Variants in AXDND1 observed in about 807,000 individuals in gnomAD.
AXDND1 encodes the protein axonemal dynein light chain domain containing 1, also known as axonemal dynein light chain domain-containing protein 1.
A neutral mutation model predicts 137.5 loss-of-function variants in AXDND1; 110 were observed. The ratio of observed to expected loss-of-function variants is 0.80; its 90% confidence interval spans 0.69 to 0.94. AXDND1 has a LOEUF of 0.94. Among genes scored for constraint, AXDND1 ranks in the 40% least tolerant of loss-of-function variants. The pLI, the probability that AXDND1 is intolerant of heterozygous loss-of-function variation, is 0.00. For missense variants in AXDND1, 1,191 were observed against 1,169.8 expected, an observed-to-expected ratio of 1.02 and a Z score of -0.26; for synonymous variants, 414 against 399.7, an observed-to-expected ratio of 1.04 and a Z score of -0.43.
chr1:179,375,242 G>T (rs986223645), intron 4 of AXDND1, among the ~76,000 whole-genome samples: 1 of 151,666 alleles, frequency 6.6e-6, no homozygotes, highest in African/African-American at 2.4e-5. Context: ...GGGATGACAG[G>T]TGCCTGCCAC....
intron 20 of AXDND1, among the ~76,000 whole-genome samples, chr1:179,500,898 C>T (rs1667928448): frequency 1.3e-5 from 2 of 151,768 alleles, no homozygotes; most frequent in Non-Finnish European, 3.0e-5. Flanking sequence ...TCTTGAACTC[C>T]TGGTCTCAAG....
At chr1:179,496,406 A>G (rs72704436) in intron 20 of AXDND1, among the ~76,000 whole-genome samples, 14,135 of 152,090 alleles carry the variant, frequency 0.093, 918 homozygotes, top group African/African-American at 0.18. Context: ...TACATTTATC[A>G]CATATAGAGC....
chr1:179,449,938 A>T (rs1469327846), intron 16 of AXDND1: 1 of 145,094 alleles, frequency 6.9e-6, no homozygotes, highest in Non-Finnish European at 1.5e-5. Flanking sequence ...TCTGTTTATG[A>T]GATCATGTTA....
intron 16 of AXDND1, chr1:179,456,320 G>A (rs1661401234): frequency 1.3e-6 from 1 of 753,734 alleles, no homozygotes; most frequent in Non-Finnish European, 2.4e-6. Flanking sequence ...CACCACCACA[G>A]GGGACAGAAC....
intron 18 of AXDND1, among the ~76,000 whole-genome samples, chr1:179,485,705 T>C (rs1665956008): frequency 6.6e-6 from 1 of 151,080 alleles, no homozygotes; most frequent in Non-Finnish European, 1.5e-5. Context: ...ATGACAGAAA[T>C]AGAATTCAGA....
chr1:179,492,868 A>G lies in AXDND1; in HGVS notation c.2305A>G (p.Met769Val). The G allele has an allele frequency of 6.2e-7, 1 of 1,604,272 alleles. No homozygotes were observed. Among genetic ancestry groups the G allele is most frequent in the Non-Finnish European group, 8.5e-7 (1 of 1,176,916 alleles). The change falls in exon 20 of 26, where the codon ATG becomes GTG. Residue 769 changes from methionine to valine, a missense_variant. Met to Val is a conservative substitution (Grantham distance 21). Coordinates refer to ENST00000367618, the MANE Select transcript of AXDND1 (RefSeq NM_144696.6). ...CCCTTTTTGCAGTTGTTGCAAAGGG[A>G]TGGTAACAGCAATGGCTCTGAGTAA... ...SSYLSSCCKG[M>V]VTAMALSKST...
rs139289857 is a variant in AXDND1, at chr1:179,483,499, A to T, written c.2091+278A>T. On this transcript the variant is annotated intron_variant, in intron 18 of 25. Coordinates refer to ENST00000367618, the MANE Select transcript of AXDND1 (RefSeq NM_144696.6). ...CCTAGGCTTGGGAGAAATTCCTCTG[A>T]CAACCAAAATGAATAAGAAAAAGGG... Among the ~76,000 whole-genome samples the T allele has an allele frequency of 5.3e-4, 81 of 152,336 alleles. No individual in the cohort carries two copies. In the East Asian group the frequency reaches 0.013, roughly 25 times the overall value.
chr1:179,410,936 T>C (rs1463315096), intron 11 of AXDND1, among the ~76,000 whole-genome samples: 2 of 152,328 alleles, frequency 1.3e-5, no homozygotes, highest in African/African-American at 2.4e-5. Context: ...TTAAGACTTT[T>C]ATAAGATTTA....
At chr1:179,478,516 G>A (rs1576224) in intron 17 of AXDND1, among the ~76,000 whole-genome samples, 30,725 of 152,184 alleles carry the variant, frequency 0.2, 3,242 homozygotes, top group Non-Finnish European at 0.23. Context: ...TTTTAGTCAT[G>A]GCTGGAGCAG....
intron 15 of AXDND1, among the ~76,000 whole-genome samples, chr1:179,442,455 A>T (rs1659126453): frequency 6.6e-6 from 1 of 152,146 alleles, no homozygotes; most frequent in Admixed American, 6.5e-5. Context: ...CCAATTTTCC[A>T]CATCAAGAGT....
intron 9 of AXDND1, among the ~76,000 whole-genome samples, chr1:179,389,005 T>G (rs1435898380): frequency 0.05 from 23 of 458 alleles, 1 homozygote; most frequent in Non-Finnish European, 0.18. Context: ...AGATGGAGTT[T>G]CACTCGTCAC....
At chr1:179,380,338 T>C (rs1645199401) in intron 6 of AXDND1, among the ~76,000 whole-genome samples, 1 of 152,210 alleles carries the variant, frequency 6.6e-6, no homozygotes, top group South Asian at 2.1e-4. Context: ...TGTTAGTGAT[T>C]AAATTATTCA....
At chr1:179,429,848 C>G (rs1350892761) in intron 13 of AXDND1, among the ~76,000 whole-genome samples, 1 of 151,018 alleles carries the variant, frequency 6.6e-6, no homozygotes, top group Non-Finnish European at 1.5e-5. Flanking sequence ...CAAGGTTACT[C>G]ATACAATTAT....
At chr1:179,513,529 T>C (rs1669245106) in intron 21 of AXDND1, among the ~76,000 whole-genome samples, 1 of 152,152 alleles carries the variant, frequency 6.6e-6, no homozygotes, top group Non-Finnish European at 1.5e-5. Context: ...GGTTTTCTTT[T>C]TTAGATATGT....
Position 179,554,555 on chromosome 1 carries a change from T to C in AXDND1, c.*36T>C, listed in dbSNP as rs1183428545. ...ACCTGTGGAAAGAAGAATTCAGATG[T>C]CAGTGGGAGCCTCCAGGTGGGAGGA... On this transcript the variant is annotated 3_prime_UTR_variant, in exon 26 of 26. Transcript: ENST00000367618. 6.2e-7 allele frequency: 1 copy of C among 1,614,052 alleles called. No homozygotes were observed. The highest frequency in any genetic ancestry group is 8.5e-7 in the Non-Finnish European group (1 of 1,180,012).
intron 4 of AXDND1, among the ~76,000 whole-genome samples, chr1:179,375,347 G>T (rs964490130): frequency 6.6e-6 from 1 of 151,754 alleles, no homozygotes; most frequent in Non-Finnish European, 1.5e-5. Context: ...CAGGTGATCC[G>T]CCCATCTTGG....
chr1:179,481,032 G>T (rs530291611), intron 17 of AXDND1, among the ~76,000 whole-genome samples: 1 of 150,388 alleles, frequency 6.6e-6, no homozygotes, highest in Admixed American at 6.6e-5. Context: ...TGTGCACAAC[G>T]TGCAGGTTTG....
At chr1:179,446,286 G>T (rs1039887658) in intron 16 of AXDND1, among the ~76,000 whole-genome samples, 3 of 152,152 alleles carry the variant, frequency 2.0e-5, no homozygotes, top group Admixed American at 6.6e-5. Context: ...TGAATATTGT[G>T]TGTTATTGTG....
chr1:179,507,766 A>G (rs1430535158), intron 20 of AXDND1, among the ~76,000 whole-genome samples: 1 of 115,128 alleles, frequency 8.7e-6, no homozygotes. Flanking sequence ...TAGAGTAAAC[A>G]AACAGCTTCA....
Sources: allele counts gnomAD v4.1 joint callset (sites outside exome capture counted in the v4.1 genomes callset), GRCh38; gene constraint gnomAD v4.1.1; transcripts MANE v1.5; gene names NCBI Gene and HGNC (gene_info 2026-07-23, HGNC 2026-07-21).